Variants in PALM2AKAP2 observed in about 807,000 individuals in gnomAD.
PALM2AKAP2 encodes PALM2-AKAP2 fusion protein.
A neutral mutation model predicts 71.5 loss-of-function variants in PALM2AKAP2; 37 were observed. The ratio of observed to expected loss-of-function variants is 0.52; its 90% CI spans 0.40 to 0.68. PALM2AKAP2 has a LOEUF of 0.68. Ranked by LOEUF, PALM2AKAP2 falls within the 30% of genes least tolerant of loss-of-function variation. The pLI, the probability that PALM2AKAP2 is intolerant of heterozygous loss-of-function variation, is 0.00. For synonymous variants in PALM2AKAP2, 468 were observed against 478.8 expected (o/e 0.98, Z 0.29); for missense variants, 1,224 against 1,191.8 (o/e 1.03, Z -0.40).
chr9:109,942,647 G>T (rs368492051), intron 6 of PALM2AKAP2: 11 of 1,507,660 alleles, frequency 7.3e-6, no homozygotes, highest in Admixed American at 2.3e-5. Flanking sequence ...GGCTTTTTTT[G>T]TTGTAACATG....
At chr9:109,673,051 G>A (rs938511482) in intron 1 of PALM2AKAP2, among the ~76,000 whole-genome samples, 2 of 151,794 alleles carry the variant, frequency 1.3e-5, no homozygotes, top group Non-Finnish European at 2.9e-5. Flanking sequence ...CCAACTCCTG[G>A]ATTTGTTGAT....
At chr9:109,999,942 CTT>C (rs200293817) in intron 6 of PALM2AKAP2, among the ~76,000 whole-genome samples, 16 of 137,820 alleles carry the variant, frequency 1.2e-4, no homozygotes, top group Non-Finnish European at 1.1e-4. Flanking sequence ...CTTTTCTTTC[CTT>C]TTTTTTTTTT....
At position 109,701,725 on chromosome 9, in the gene PALM2AKAP2, A is replaced by G. The variant is rs1037883066; in HGVS notation, c.5+60859A>G. Among the ~76,000 whole-genome samples the G allele has an allele frequency of 1.3e-3, 201 of 152,332 alleles. 1 individual carries two copies. Among genetic ancestry groups the G allele is most frequent in the African/African-American group, 4.5e-3 (189 of 41,574 alleles). On this transcript the variant is annotated intron_variant, in intron 1 of 6. Coordinates refer to the PALM2AKAP2 transcript ENST00000374531. ...TAAAACACCAAAAGCAATGGCAACA[A>G]AAGCCAAAATTGACAAATGGGATCT...
At chr9:110,005,067 G>A (rs575981255) in intron 6 of PALM2AKAP2, among the ~76,000 whole-genome samples, 92 of 152,030 alleles carry the variant, frequency 6.1e-4, no homozygotes, top group Non-Finnish European at 1.2e-3. Flanking sequence ...TTCCATTGCT[G>A]GTGAGCTGCA....
At chr9:109,984,384 A>G (rs980335203) in intron 6 of PALM2AKAP2, among the ~76,000 whole-genome samples, 1 of 152,140 alleles carries the variant, frequency 6.6e-6, no homozygotes, top group Non-Finnish European at 1.5e-5. Flanking sequence ...GATACTGGGT[A>G]TGGTGACTCT....
chr9:110,039,116 G>T (rs1411255015), intron 7 of PALM2AKAP2, among the ~76,000 whole-genome samples: 1 of 151,874 alleles, frequency 6.6e-6, no homozygotes, highest in Non-Finnish European at 1.5e-5. Flanking sequence ...AGGCATGCTG[G>T]CACATGCCTA....
intron 1 of PALM2AKAP2, among the ~76,000 whole-genome samples, chr9:109,656,063 C>A (rs935383766): frequency 1.3e-5 from 2 of 152,110 alleles, no homozygotes; most frequent in African/African-American, 4.8e-5. Flanking sequence ...GATAAATAAG[C>A]AATTCTAGAT....
At chr9:110,012,941 C>T (rs1832910868) in intron 6 of PALM2AKAP2, among the ~76,000 whole-genome samples, 1 of 152,208 alleles carries the variant, frequency 6.6e-6, no homozygotes, top group Admixed American at 6.5e-5. Context: ...AATACTTGAT[C>T]CATAATGATT....
intron 1 of PALM2AKAP2, among the ~76,000 whole-genome samples, chr9:109,691,885 T>C (rs1256915553): frequency 6.8e-4 from 44 of 65,044 alleles, no homozygotes; most frequent in African/African-American, 2.0e-3. Flanking sequence ...CACACACATA[T>C]ATATATATAT....
chr9:110,136,357 TCAC>T, exon 2 of PALM2AKAP2: 2 of 1,614,198 alleles, frequency 1.2e-6, no homozygotes, highest in Non-Finnish European at 1.7e-6. Context: ...TCCTTACTGA[TCAC>T]CACGAATCCC....
At chr9:109,782,224 T>C (rs1714092277) in intron 1 of PALM2AKAP2, among the ~76,000 whole-genome samples, 1 of 152,234 alleles carries the variant, frequency 6.6e-6, no homozygotes, top group Non-Finnish European at 1.5e-5. Flanking sequence ...AAGAAAGATC[T>C]AGGCAAATCT....
intron 3 of PALM2AKAP2, among the ~76,000 whole-genome samples, chr9:109,913,148 A>G (rs536361234): frequency 6.6e-6 from 1 of 152,258 alleles, no homozygotes; most frequent in Non-Finnish European, 1.5e-5. Context: ...CTGTCCCCAC[A>G]CTCACTTCTG....
At chr9:110,008,707 A>T (rs376645672) in intron 6 of PALM2AKAP2, among the ~76,000 whole-genome samples, 5 of 152,006 alleles carry the variant, frequency 3.3e-5, no homozygotes, top group East Asian at 1.9e-4. Flanking sequence ...CTCATATTAC[A>T]TGGCCAAGGT....
intron 1 of PALM2AKAP2, among the ~76,000 whole-genome samples, chr9:109,728,109 A>G (rs956551713): frequency 6.6e-6 from 1 of 152,232 alleles, no homozygotes; most frequent in Admixed American, 6.5e-5. Context: ...AAGCAAGGGT[A>G]TTCTAGGTGA....
intron 1 of PALM2AKAP2, among the ~76,000 whole-genome samples, chr9:109,859,543 T>G (rs868583581): frequency 6.6e-6 from 1 of 152,202 alleles, no homozygotes; most frequent in Non-Finnish European, 1.5e-5. Context: ...CCAACAAATG[T>G]GTACAAATAT....
intron 1 of PALM2AKAP2, among the ~76,000 whole-genome samples, chr9:109,786,721 A>G (rs763079999): frequency 4.6e-5 from 7 of 152,178 alleles, no homozygotes. Flanking sequence ...TGAGTATTTC[A>G]GTCTTCAGCT....
chr9:110,073,491 C>G (rs1834253834), intron 1 of PALM2AKAP2, among the ~76,000 whole-genome samples: 1 of 152,146 alleles, frequency 6.6e-6, no homozygotes, highest in Non-Finnish European at 1.5e-5. Flanking sequence ...GTTAGCCTAG[C>G]TTGTTGTTTT....
At chr9:110,162,936 TCCTGG>T (rs1465384723) in intron 3 of PALM2AKAP2, among the ~76,000 whole-genome samples, 1 of 152,096 alleles carries the variant, frequency 6.6e-6, no homozygotes, top group African/African-American at 2.4e-5. Flanking sequence ...GGTCTCAAAC[TCCTGG>T]CCTCAAGTGA....
intron 1 of PALM2AKAP2, among the ~76,000 whole-genome samples, chr9:109,678,729 G>C (rs1827684171): frequency 6.6e-6 from 1 of 152,070 alleles, no homozygotes; most frequent in Non-Finnish European, 1.5e-5. Flanking sequence ...ATGTTATAGT[G>C]TTGTTTTCTT....
Sources: allele counts gnomAD v4.1 joint callset (sites outside exome capture counted in the v4.1 genomes callset), GRCh38; gene constraint gnomAD v4.1.1; transcripts MANE v1.5; gene names NCBI Gene and HGNC (gene_info 2026-07-23, HGNC 2026-07-21).